Variants in PRH1 observed in about 807,000 individuals in gnomAD.
The protein encoded by PRH1 is proline rich protein HaeIII subfamily 1.
A neutral mutation model predicts 7.9 loss-of-function variants in PRH1; 7 were observed. The ratio of observed to expected loss-of-function variants is 0.89; its 90% CI spans 0.50 to 1.67. PRH1 has a LOEUF of 1.67. Among genes scored for constraint, PRH1 ranks in the 40% most tolerant of loss-of-function variants. PRH1 has a pLI of 0.00. For missense variants in PRH1, 109 were observed against 223.6 expected (o/e 0.49, Z 3.27); for synonymous variants, 45 against 80.8 (o/e 0.56, Z 2.38).
At chr12:11,132,981 A>C (rs72477460) in intron 1 of PRH1, 18,996 of 288,134 alleles carry the variant, frequency 0.066, 1,041 homozygotes, top group South Asian at 0.24. Flanking sequence ...TATAAATTCT[A>C]CAAATGAAAT....
chr12:11,048,427 A>C, upstream of PRH1: 1 of 328,714 alleles, frequency 3.0e-6, no homozygotes, highest in South Asian at 6.4e-5. Flanking sequence ...AGTCAGGATG[A>C]ATGAGTGGAA....
At chr12:10,888,911 G>T (rs1004631272), upstream of PRH1, among the ~76,000 whole-genome samples, 4 of 152,096 alleles carry the variant, frequency 2.6e-5, no homozygotes, top group Non-Finnish European at 5.9e-5. Context: ...CTGAACTGAG[G>T]TTCACTGAGT....
chr12:11,117,435 G>T (rs996755019), downstream of PRH1, among the ~76,000 whole-genome samples: 20 of 151,976 alleles, frequency 1.3e-4, no homozygotes, highest in African/African-American at 4.6e-4. Flanking sequence ...AAAAAGAAAA[G>T]ATAGTCCATG....
At chr12:11,111,321 C>T (rs151264712) in intron 1 of PRH1, among the ~76,000 whole-genome samples, 185 of 152,324 alleles carry the variant, frequency 1.2e-3, no homozygotes, top group African/African-American at 4.3e-3. Flanking sequence ...ATCTACAGAA[C>T]TCTCCACCTC....
chr12:11,008,083 T>G (rs1045833178), intron 1 of PRH1, among the ~76,000 whole-genome samples: 2 of 151,998 alleles, frequency 1.3e-5, no homozygotes, highest in Non-Finnish European at 2.9e-5. Flanking sequence ...AGTTTTGTCA[T>G]GTGAGGTGCA....
At chr12:10,891,005 A>G (rs1949565692) in intron 2 of PRH1, among the ~76,000 whole-genome samples, 1 of 152,116 alleles carries the variant, frequency 6.6e-6, no homozygotes, top group African/African-American at 2.4e-5. Flanking sequence ...CAACAGGGCT[A>G]TACTAATTTG....
chr12:10,969,910 CTTGCAT>C (rs1938717259), intron 2 of PRH1, among the ~76,000 whole-genome samples: 2 of 152,118 alleles, frequency 1.3e-5, no homozygotes. Context: ...AGCAATTCTC[CTTGCAT>C]CAGCCTCCTG....
chr12:10,955,791 T>C (rs1309020785), intron 2 of PRH1, among the ~76,000 whole-genome samples: 4 of 152,148 alleles, frequency 2.6e-5, no homozygotes, highest in Non-Finnish European at 5.9e-5. Context: ...CCCAAACTAC[T>C]GTCAACACCT....
intron 1 of PRH1, among the ~76,000 whole-genome samples, chr12:11,025,184 AT>A (rs895231519): frequency 1.3e-5 from 2 of 151,642 alleles, no homozygotes; most frequent in East Asian, 1.9e-4. Context: ...CGCCAGGCTA[AT>A]TTTTTTTTAT....
chr12:11,128,549 A>G (rs1264111361), intron 1 of PRH1, among the ~76,000 whole-genome samples: 1 of 152,222 alleles, frequency 6.6e-6, no homozygotes, highest in East Asian at 1.9e-4. Flanking sequence ...GTGCAAATCC[A>G]GCATGGCCAA....
Position 10,908,475 on chromosome 12 carries a change from G to C in PRH1, c.-58-24200C>G, listed in dbSNP as rs754120347. On this transcript the variant is annotated intron_variant, in intron 2 of 3. Transcript: ENST00000539853. ...TAGAATCAGAAGAAAGGAGTGGCTT[G>C]AAGGAGAGAAGACTCCAATCGTCTC... 13 of 1,613,826 alleles carry C rather than the reference G, an allele frequency of 8.1e-6. No individual in the cohort carries two copies. In the South Asian group the frequency reaches 1.2e-4, roughly 15 times the overall value.
intron 1 of PRH1, among the ~76,000 whole-genome samples, chr12:10,998,043 A>G (rs1487225643): frequency 6.6e-6 from 1 of 152,208 alleles, no homozygotes; most frequent in Non-Finnish European, 1.5e-5. Context: ...ACCAGCTTAA[A>G]CTAATGAATG....
In PRH1 at chr12:11,095,750, C is replaced by A. The variant is rs1472593452; in HGVS notation, n.124-48562G>T. On this transcript the variant is annotated intron_variant and non_coding_transcript_variant, in intron 1 of 4. Transcript: ENST00000541977. ...CCCAGGAGTTCCAGACTGCAGTAAG[C>A]CATGATCCTACCACTGAACTCCAGC... Among the ~76,000 whole-genome samples, 4 of 114,608 alleles carry A rather than the reference C, an allele frequency of 3.5e-5. No individual in the cohort carries two copies. The East Asian group carries it at 6.3e-4, about 18-fold the overall frequency. 75.2% of individuals were successfully genotyped at this position (114,608 alleles called of 152,430 possible).
chr12:11,009,954 A>C (rs556504946), intron 1 of PRH1, among the ~76,000 whole-genome samples: 1 of 152,064 alleles, frequency 6.6e-6, no homozygotes, highest in East Asian at 1.9e-4. Flanking sequence ...GTGAGGGCTT[A>C]CTTCTGTTTG....
intron 1 of PRH1, among the ~76,000 whole-genome samples, chr12:11,007,547 T>C (rs1940885750): frequency 6.6e-6 from 1 of 152,166 alleles, no homozygotes; most frequent in South Asian, 2.1e-4. Flanking sequence ...GTTTTGTAAA[T>C]ACTCTTGACT....
chr12:11,016,579 G>C (rs922088736), intron 1 of PRH1, among the ~76,000 whole-genome samples: 2 of 152,146 alleles, frequency 1.3e-5, no homozygotes, highest in African/African-American at 4.8e-5. Context: ...GGCCTCAAGA[G>C]ATATTCCCAC....
At chr12:10,961,709 A>C (rs1037802880) in intron 2 of PRH1, among the ~76,000 whole-genome samples, 1 of 152,224 alleles carries the variant, frequency 6.6e-6, no homozygotes, top group African/African-American at 2.4e-5. Context: ...GATGATGGAA[A>C]GCAGAACAGC....
At chr12:10,934,892 T>A (rs908428966) in intron 2 of PRH1, among the ~76,000 whole-genome samples, 3 of 152,216 alleles carry the variant, frequency 2.0e-5, no homozygotes, top group Non-Finnish European at 4.4e-5. Context: ...ATTTGCTTAT[T>A]AATTTTAATT....
At chr12:10,996,992 C>T in intron 1 of PRH1, 1 of 1,613,680 alleles carries the variant, frequency 6.2e-7, no homozygotes, top group Non-Finnish European at 8.5e-7. Flanking sequence ...AGTCACCTGC[C>T]ACAAAACTGA....
Sources: allele counts gnomAD v4.1 joint callset (sites outside exome capture counted in the v4.1 genomes callset), GRCh38; gene constraint gnomAD v4.1.1; transcripts MANE v1.5; gene names NCBI Gene and HGNC (gene_info 2026-07-23, HGNC 2026-07-21).